ALK: variants seen among roughly 807,000 people sequenced by gnomAD.
ALK encodes ALK receptor tyrosine kinase.
Under a neutral mutation model 163.1 loss-of-function variants are expected in ALK, and 74 were observed. The observed-to-expected ratio is 0.45, with a 90% CI of 0.38 to 0.55. The LOEUF (loss-of-function observed/expected upper bound fraction) is 0.55, where lower values mean the gene tolerates loss of function less well. Among genes scored for constraint, ALK ranks in the 20% least tolerant of loss-of-function variants. The pLI is 0.00. For missense variants in ALK, 2,063 were observed against 2,105.3 expected (o/e 0.98, Z 0.39); for synonymous variants, 960 against 843.2 (o/e 1.14, Z -2.40).
At chr2:29,288,951 CAAA>C (rs770578645) in intron 9 of ALK, among the ~76,000 whole-genome samples, 1 of 24,180 alleles carries the variant, frequency 4.1e-5, no homozygotes. Flanking sequence ...GACTCCTTCT[CAAA>C]AAAATAAATA....
chr2:29,321,323 A>G (rs1667037754), intron 6 of ALK, among the ~76,000 whole-genome samples: 1 of 152,198 alleles, frequency 6.6e-6, no homozygotes. Context: ...ATAGCTCACT[A>G]CATTTCTAAT....
At chr2:29,216,917 CTT>C (rs914900439) in intron 23 of ALK, among the ~76,000 whole-genome samples, 16 of 53,912 alleles carry the variant, frequency 3.0e-4, no homozygotes, top group South Asian at 2.2e-3. Flanking sequence ...TGGTATATGT[CTT>C]TATGGTGTGT....
At chr2:29,706,528 T>C (rs986482701) in intron 2 of ALK, among the ~76,000 whole-genome samples, 3 of 152,138 alleles carry the variant, frequency 2.0e-5, no homozygotes, top group African/African-American at 7.2e-5. Flanking sequence ...TGGGAACCAA[T>C]CACCCAATTC....
At chr2:29,505,747 A>T (rs1672301494) in intron 4 of ALK, among the ~76,000 whole-genome samples, 3 of 151,974 alleles carry the variant, frequency 2.0e-5, no homozygotes. Context: ...TCACCATTCT[A>T]AAAGGCCAAC....
chr2:29,769,524 C>T (rs1680958511), intron 1 of ALK, among the ~76,000 whole-genome samples: 1 of 152,156 alleles, frequency 6.6e-6, no homozygotes, highest in South Asian at 2.1e-4. Flanking sequence ...GCACCAGTAT[C>T]TGAGCCTCAG....
intron 2 of ALK, among the ~76,000 whole-genome samples, chr2:29,710,502 G>A (rs1055117236): frequency 1.7e-4 from 19 of 114,452 alleles, no homozygotes; most frequent in African/African-American, 1.3e-3. Flanking sequence ...CTGTGTGCGT[G>A]TGTGTGTGTG....
intron 3 of ALK, among the ~76,000 whole-genome samples, chr2:29,633,568 A>G (rs1210481284): frequency 1.3e-5 from 2 of 152,010 alleles, no homozygotes; most frequent in Non-Finnish European, 2.9e-5. Context: ...TAATAAATAT[A>G]GAGAAAAAAA....
chr2:29,373,230 T>G (rs887687593), intron 5 of ALK, among the ~76,000 whole-genome samples: 2 of 152,224 alleles, frequency 1.3e-5, no homozygotes, highest in African/African-American at 4.8e-5. Context: ...CTTTTGGAAA[T>G]TCATTGAACA....
chr2:29,475,281 C>G (rs999784340), intron 4 of ALK, among the ~76,000 whole-genome samples: 12 of 152,168 alleles, frequency 7.9e-5, no homozygotes, highest in Non-Finnish European at 1.5e-4. Context: ...CTCAAGGGGG[C>G]AGCAAAAGAG....
chr2:29,850,455 T>C (rs1341536348), intron 1 of ALK, among the ~76,000 whole-genome samples: 1 of 152,240 alleles, frequency 6.6e-6, no homozygotes, highest in Non-Finnish European at 1.5e-5. Flanking sequence ...ATGATTGTTA[T>C]ACTTCTATAA....
intron 1 of ALK, among the ~76,000 whole-genome samples, chr2:29,757,750 TAAGAATATGGCAC>T (rs1364556736): frequency 6.6e-6 from 1 of 152,168 alleles, no homozygotes; most frequent in East Asian, 1.9e-4. Flanking sequence ...TTGTGCCATA[TAAGAATATGGCAC>T]ATGCAGCCTC....
rs1365973025 is a variant in ALK, at chr2:29,563,616, T to C, written c.953-31500A>G. ...CAAGAGGCTCTTTCTGATGTGGGTA[T>C]AACAGTGAAAAGGAGGCCTAACATG... On this transcript the variant is annotated intron_variant, in intron 3 of 28. Transcript: ENST00000389048. Among the ~76,000 whole-genome samples, 3 of 152,168 alleles carry C rather than the reference T, an allele frequency of 2.0e-5. No individual in the cohort carries two copies. In the East Asian group the frequency reaches 5.8e-4, roughly 29 times the overall value.
At chr2:29,479,259 G>A (rs1671601360) in intron 4 of ALK, among the ~76,000 whole-genome samples, 1 of 152,158 alleles carries the variant, frequency 6.6e-6, no homozygotes, top group Non-Finnish European at 1.5e-5. Flanking sequence ...TGAGCTTTCT[G>A]GGATGGCAGC....
At chr2:29,717,127 G>A (rs61348637) in intron 2 of ALK, among the ~76,000 whole-genome samples, 2,209 of 139,036 alleles carry the variant, frequency 0.016, 63 homozygotes, top group African/African-American at 0.054. Flanking sequence ...GGCCGAGATC[G>A]TGCCACTGCA....
chr2:29,785,779 C>A (rs923485389), intron 1 of ALK, among the ~76,000 whole-genome samples: 4 of 152,088 alleles, frequency 2.6e-5, no homozygotes, highest in East Asian at 1.9e-4. Flanking sequence ...CACCACCCCC[C>A]ACCCCCGGCC....
intron 9 of ALK, among the ~76,000 whole-genome samples, chr2:29,292,207 T>C (rs1485321218): frequency 3.9e-5 from 6 of 152,260 alleles, no homozygotes; most frequent in African/African-American, 1.4e-4. Flanking sequence ...ACAGGTGTGA[T>C]AAGTTGTGTA....
At chr2:29,907,267 C>T (rs1255860873) in intron 1 of ALK, 2 of 151,952 alleles carry the variant, frequency 1.3e-5, no homozygotes, top group African/African-American at 2.4e-5. Flanking sequence ...TAGCTTTTTC[C>T]CTCCTGATTT....
At chr2:29,459,293 A>G (rs1671029563) in intron 4 of ALK, among the ~76,000 whole-genome samples, 1 of 152,112 alleles carries the variant, frequency 6.6e-6, no homozygotes, top group Non-Finnish European at 1.5e-5. Flanking sequence ...GTTGAAAGTC[A>G]CTTTCTCCAA....
chr2:29,460,513 C>G (rs1415072991), intron 4 of ALK, among the ~76,000 whole-genome samples: 1 of 152,084 alleles, frequency 6.6e-6, no homozygotes, highest in Admixed American at 6.6e-5. Flanking sequence ...TCACTTGTCT[C>G]TGTGTCACAT....
Sources: allele counts gnomAD v4.1 joint callset (sites outside exome capture counted in the v4.1 genomes callset), GRCh38; gene constraint gnomAD v4.1.1; transcripts MANE v1.5; gene names NCBI Gene and HGNC (gene_info 2026-07-23, HGNC 2026-07-21).